MCF2L2: variants seen among roughly 807,000 people sequenced by gnomAD.
MCF2L2 encodes the protein probable guanine nucleotide exchange factor MCF2L2.
A neutral mutation model predicts 150.2 loss-of-function variants in MCF2L2; 102 were observed. That is an observed-to-expected ratio of 0.68 (90% CI 0.58 to 0.80). MCF2L2 has a LOEUF of 0.80. Among genes scored for constraint, MCF2L2 ranks in the 30% least tolerant of loss-of-function variants. The pLI, the probability that MCF2L2 is intolerant of heterozygous loss-of-function variation, is 0.00. For synonymous variants in MCF2L2, 465 were observed against 491.3 expected, an observed-to-expected ratio of 0.95 and a Z score of 0.71; for missense variants, 1,256 against 1,372.8, an observed-to-expected ratio of 0.91 and a Z score of 1.34.
chr3:183,205,503 T>C (rs1722440553), intron 25 of MCF2L2, among the ~76,000 whole-genome samples: 1 of 152,240 alleles, frequency 6.6e-6, no homozygotes, highest in African/African-American at 2.4e-5. Context: ...GTGAATTTGA[T>C]GGCATGTTAA....
At chr3:183,219,608 C>T (rs1406302345) in intron 21 of MCF2L2, among the ~76,000 whole-genome samples, 2 of 101,880 alleles carry the variant, frequency 2.0e-5, no homozygotes, top group Non-Finnish European at 4.6e-5. Flanking sequence ...GAGACTTTGT[C>T]TAAAAAAAAA....
At chr3:183,311,341 A>G (rs1191056467) in intron 8 of MCF2L2, among the ~76,000 whole-genome samples, 1 of 152,122 alleles carries the variant, frequency 6.6e-6, no homozygotes, top group African/African-American at 2.4e-5. Context: ...CACGAATATA[A>G]AGCACAGCTC....
chr3:183,298,013 A>G (rs1040388527), intron 11 of MCF2L2: 1 of 152,192 alleles, frequency 6.6e-6, no homozygotes, highest in African/African-American at 2.4e-5. Context: ...TTTTAACAAA[A>G]ACACAACTTT....
chr3:183,263,817 T>G (rs781549445), intron 15 of MCF2L2, among the ~76,000 whole-genome samples: 8 of 152,186 alleles, frequency 5.3e-5, no homozygotes, highest in African/African-American at 9.7e-5. Flanking sequence ...TGAAATTAGC[T>G]CTTACTTCTC....
At chr3:183,405,538 A>G (rs982732274) in intron 1 of MCF2L2, among the ~76,000 whole-genome samples, 1 of 152,200 alleles carries the variant, frequency 6.6e-6, no homozygotes, top group Non-Finnish European at 1.5e-5. Context: ...TTTTCCCAGT[A>G]TCATAGAAAG....
At chr3:183,313,495 C>G (rs1356894069) in intron 7 of MCF2L2, among the ~76,000 whole-genome samples, 1 of 152,130 alleles carries the variant, frequency 6.6e-6, no homozygotes, top group Non-Finnish European at 1.5e-5. Flanking sequence ...AAAATTGTGA[C>G]CTGGTGACTG....
intron 1 of MCF2L2, among the ~76,000 whole-genome samples, chr3:183,399,157 T>C (rs1465953994): frequency 1.3e-5 from 2 of 152,210 alleles, no homozygotes; most frequent in East Asian, 1.9e-4. Context: ...CTTCTCTAAG[T>C]AGCAAATATA....
At chr3:183,200,573 T>C (rs1414058141) in intron 25 of MCF2L2, among the ~76,000 whole-genome samples, 14 of 152,234 alleles carry the variant, frequency 9.2e-5, no homozygotes, top group Non-Finnish European at 1.8e-4. Flanking sequence ...TTCTGTAAGT[T>C]GCCTGTTCAC....
chr3:183,421,702 T>C (rs1043574994), intron 1 of MCF2L2, among the ~76,000 whole-genome samples: 34 of 152,240 alleles, frequency 2.2e-4, no homozygotes, highest in African/African-American at 8.0e-4. Flanking sequence ...ACTTTCCTGT[T>C]TGTTTGAAGG....
At chr3:183,407,268 G>A (rs564377219) in intron 1 of MCF2L2, among the ~76,000 whole-genome samples, 2 of 152,196 alleles carry the variant, frequency 1.3e-5, no homozygotes, top group South Asian at 4.1e-4. Flanking sequence ...TTGCTTTAAA[G>A]TAAGTTTTAA....
intron 22 of MCF2L2, among the ~76,000 whole-genome samples, chr3:183,213,796 G>C (rs190954811): frequency 1.7e-4 from 26 of 152,318 alleles, no homozygotes; most frequent in African/African-American, 6.3e-4. Context: ...TTTTGAATCA[G>C]AAGGTTGAAA....
In MCF2L2 at chr3:183,213,627, T is replaced by A. The variant is rs1722814067; in HGVS notation, c.2496+2342A>T. ...CTCTACAAAATGGAGACAAAGAATC[T>A]CAGAATCATTTGAGCTGAGTTAGAG... On this transcript the variant is annotated intron_variant, in intron 22 of 29. Transcript: ENST00000328913. Among the ~76,000 whole-genome samples the A allele has an allele frequency of 7.2e-5, 11 of 152,106 alleles. 1 individual carries two copies. The highest frequency in any genetic ancestry group is 7.2e-4 in the Admixed American group (11 of 15,262).
chr3:183,212,657 G>A (rs1049463303), intron 22 of MCF2L2, among the ~76,000 whole-genome samples: 2 of 149,504 alleles, frequency 1.3e-5, no homozygotes, highest in Admixed American at 6.7e-5. Flanking sequence ...CAGGTAGTAA[G>A]AGTTAATATG....
intron 21 of MCF2L2, among the ~76,000 whole-genome samples, chr3:183,219,630 G>C (rs1480690725): frequency 6.6e-6 from 1 of 151,776 alleles, no homozygotes; most frequent in Non-Finnish European, 1.5e-5. Context: ...AAATTATGTG[G>C]AAGGAAGAAA....
chr3:183,382,695 A>G (rs1453451176), intron 2 of MCF2L2, among the ~76,000 whole-genome samples: 2 of 152,214 alleles, frequency 1.3e-5, no homozygotes, highest in African/African-American at 4.8e-5. Context: ...ATTTGGTACT[A>G]AGTAAAATGA....
chr3:183,425,347 T>C (rs139647509), intron 1 of MCF2L2, among the ~76,000 whole-genome samples: 1 of 152,124 alleles, frequency 6.6e-6, no homozygotes, highest in East Asian at 1.9e-4. Context: ...GCCGAGTGAA[T>C]ACGGAAGACA....
chr3:183,251,975 C>A (rs1483201426), intron 15 of MCF2L2, among the ~76,000 whole-genome samples: 1 of 149,034 alleles, frequency 6.7e-6, no homozygotes, highest in Non-Finnish European at 1.5e-5. Flanking sequence ...CTTTTGAAAC[C>A]ATTTATCTAT....
intron 3 of MCF2L2, among the ~76,000 whole-genome samples, chr3:183,349,815 A>C (rs1187350950): frequency 6.6e-6 from 1 of 151,680 alleles, no homozygotes; most frequent in Non-Finnish European, 1.5e-5. Flanking sequence ...TGTTTTTTTC[A>C]CAGCAAACCT....
rs145282771 is a variant in MCF2L2, at chr3:183,289,195, C to A, written c.1701G>T (p.Thr567=). 2 of 1,613,648 alleles carry A rather than the reference C, an allele frequency of 1.2e-6. No individual in the cohort carries two copies. The highest frequency in any genetic ancestry group is 1.1e-5 in the South Asian group (1 of 91,006). The part of the protein sequence containing the change: ...TSVPLARPLR[T]SEEPYTETEL... ...CTGTCTCCGTATAAGGTTCCTCAGA[C>A]GTTCTCAGAGGACGAGCTAGAGGGA... The change falls in exon 14 of 30, where the codon ACG becomes ACT. Residue 567 remains threonine, a synonymous_variant. Coordinates refer to ENST00000328913, the MANE Select transcript of MCF2L2 (RefSeq NM_015078.4).
Sources: allele counts gnomAD v4.1 joint callset (sites outside exome capture counted in the v4.1 genomes callset), GRCh38; gene constraint gnomAD v4.1.1; transcripts MANE v1.5; gene names NCBI Gene and HGNC (gene_info 2026-07-23, HGNC 2026-07-21).